Variants in IQSEC3 observed in about 807,000 individuals in gnomAD.
IQSEC3 encodes the protein IQ motif and SEC7 domain-containing protein 3.
A neutral mutation model predicts 105.4 loss-of-function variants in IQSEC3; 50 were observed. The ratio of observed to expected loss-of-function variants is 0.47; its 90% CI spans 0.38 to 0.60. The LOEUF (loss-of-function observed/expected upper bound fraction) is 0.60, where lower values mean the gene tolerates loss of function less well. IQSEC3 is among the 20% of genes least tolerant of loss of function. The pLI is 0.00. For missense variants in IQSEC3, 1,415 were observed against 1,630.0 expected (o/e 0.87, Z 2.27); for synonymous variants, 708 against 746.0 (o/e 0.95, Z 0.83).
At chr12:120,629 G>A (rs535703903) in intron 2 of IQSEC3, among the ~76,000 whole-genome samples, 2 of 152,220 alleles carry the variant, frequency 1.3e-5, no homozygotes, top group Non-Finnish European at 2.9e-5. Flanking sequence ...AGTGACCCTC[G>A]GATGTGATGT....
intron 1 of IQSEC3, among the ~76,000 whole-genome samples, chr12:84,941 A>G (rs1555071665): frequency 6.6e-6 from 1 of 152,136 alleles, no homozygotes; most frequent in Non-Finnish European, 1.5e-5. Context: ...GTACAGTGAG[A>G]ATGGATGCCA....
At chr12:83,487 G>A (rs536594968) in intron 1 of IQSEC3, among the ~76,000 whole-genome samples, 1 of 152,086 alleles carries the variant, frequency 6.6e-6, no homozygotes, top group East Asian at 1.9e-4. Flanking sequence ...TCTGAGCAGA[G>A]AGATGAAATA....
rs1555083444 is a variant in IQSEC3, at chr12:126,165, TC to T, written c.903+254del. On this transcript the variant is annotated intron_variant, in intron 3 of 13. Transcript: ENST00000538872. ...GCAGCACGTCCAGGGGCTCTGCTCCTCACACAGTGCTCAGCAAGCCTCCACC... is the reference window on the plus strand; with the variant it reads ...GCAGCACGTCCAGGGGCTCTGCTCCTACACAGTGCTCAGCAAGCCTCCACC... 3.9e-5 allele frequency among the ~76,000 whole-genome samples: 6 copies of T among 152,320 alleles called. No homozygotes were observed. The South Asian group carries it at 1.0e-3, about 26-fold the overall frequency.
chr12:139,316 C>G lies in IQSEC3; in HGVS notation c.1953C>G (p.Arg651=), dbSNP rs2137001089. The change falls in exon 4 of 14, where the codon CGC becomes CGG. Residue 651 remains arginine (R), a synonymous_variant. Coordinates refer to ENST00000538872, the MANE Select transcript of IQSEC3 (RefSeq NM_001170738.2). ...KSPTLSTDTL[R]KRLYRIGLNL... is the part of the protein sequence containing the mutation. ...CCACGCTCTCCACCGACACCCTGCGCAAGCGGCTCTACCGCATCGGCCTCA... is the reference window on the plus strand; with the variant it reads ...CCACGCTCTCCACCGACACCCTGCGGAAGCGGCTCTACCGCATCGGCCTCA... 1 of 1,595,552 alleles carries G rather than the reference C, an allele frequency of 6.3e-7. No homozygotes were observed. Among genetic ancestry groups the G allele is most frequent in the East Asian group, 2.3e-5 (1 of 43,146 alleles).
chr12:159,961 G>A (rs1295131701), intron 7 of IQSEC3, among the ~76,000 whole-genome samples: 15 of 152,062 alleles, frequency 9.9e-5, no homozygotes, highest in Non-Finnish European at 1.5e-4. Flanking sequence ...CCTCAGTGCC[G>A]TCTTTTGTGT....
intron 2 of IQSEC3, among the ~76,000 whole-genome samples, chr12:114,698 C>T (rs1190681697): frequency 1.3e-5 from 2 of 152,196 alleles, no homozygotes; most frequent in East Asian, 1.9e-4. Flanking sequence ...GGATTAAGAT[C>T]GGAAGCATTT....
intron 3 of IQSEC3, among the ~76,000 whole-genome samples, chr12:126,485 T>C (rs1555083534): frequency 6.6e-6 from 1 of 151,316 alleles, no homozygotes; most frequent in Non-Finnish European, 1.5e-5. Flanking sequence ...GGGCCCCCAT[T>C]GAACCCCCAA....
At chr12:148,329 A>G (rs1301570154) in intron 5 of IQSEC3, 1 of 152,204 alleles carries the variant, frequency 6.6e-6, no homozygotes, top group African/African-American at 2.4e-5. Flanking sequence ...CAATCCGTGC[A>G]CTAATAAACC....
At position 152,491 on chromosome 12, in the gene IQSEC3, G is replaced by T. The variant is rs138526483; in HGVS notation, c.2154-4534G>T. Among the ~76,000 whole-genome samples the T allele has an allele frequency of 3.7e-3, 570 of 152,350 alleles. 4 individuals are homozygous for T. Among genetic ancestry groups the T allele is most frequent in the African/African-American group, 0.013 (544 of 41,576 alleles). On this transcript the variant is annotated intron_variant, in intron 5 of 13. Transcript: ENST00000538872. This position sits in a 1 kb window ranked among gnomAD's most constrained non-coding sequence, Gnocchi z 4.8. ...ACCTGCCCCAGGAGATGTCAGCAAG[G>T]AATGAGATGTGTGCAGCACGCCTGT...
At chr12:165,318 G>A (rs1867113506) in intron 9 of IQSEC3, 116 bp from the exon 10 acceptor site, 3 of 763,296 alleles carry the variant, frequency 3.9e-6, no homozygotes, top group Non-Finnish European at 7.0e-6. Context: ...GTACCTGTAT[G>A]TGCACATTCA....
chr12:174,490 T>G, intron 13 of IQSEC3, 109 bp from the exon 14 acceptor site: 1 of 1,005,632 alleles, frequency 9.9e-7, no homozygotes, highest in Non-Finnish European at 1.4e-6. Context: ...AGGGTCAGAG[T>G]GAGGGCTGAG....
rs1039990199 is a variant in IQSEC3 at position 177,454 on chromosome 12, C to T, written c.*2421C>T. On this transcript the variant is annotated 3_prime_UTR_variant, in exon 14 of 14. Coordinates refer to ENST00000538872, the MANE Select transcript of IQSEC3 (RefSeq NM_001170738.2). This position sits in a 1 kb window ranked among gnomAD's most constrained non-coding sequence, Gnocchi z 5.3. ...GCATCTGGGCCTCTAGCTGAGAACCCGGACTCTCAGGCACCTCAGTGCCCC... is the reference window on the plus strand; with the variant it reads ...GCATCTGGGCCTCTAGCTGAGAACCTGGACTCTCAGGCACCTCAGTGCCCC... The T allele has an allele frequency of 2.0e-5, 3 of 152,276 alleles. No homozygotes were observed. Among genetic ancestry groups the T allele is most frequent in the East Asian group, 1.9e-4 (1 of 5,186 alleles). The allele number at this position is 152,276 out of a possible 1,614,324, so 9.4% of individuals were successfully genotyped here.
At chr12:155,899 C>T (rs938373101) in intron 5 of IQSEC3, among the ~76,000 whole-genome samples, 1 of 152,082 alleles carries the variant, frequency 6.6e-6, no homozygotes, top group African/African-American at 2.4e-5. Context: ...ACGTCAGCTC[C>T]AAGAGCCCAA....
At chr12:133,648 G>A (rs1865666312) in intron 3 of IQSEC3, among the ~76,000 whole-genome samples, 2 of 152,192 alleles carry the variant, frequency 1.3e-5, no homozygotes, top group South Asian at 2.1e-4. Context: ...TGTTCTGGAG[G>A]TTCAGTGTAA....
chr12:109,376 C>T lies in IQSEC3; in HGVS notation c.623+10162C>T, dbSNP rs529470472. Among the ~76,000 whole-genome samples, 10 of 152,234 alleles carry T rather than the reference C, an allele frequency of 6.6e-5. No homozygotes were observed. In the East Asian group the frequency reaches 7.7e-4, roughly 12 times the overall value. ...GTCCTTTGAGTTTATAACCCTAGTT[C>T]GGATCTTCCTTATGTAGCCCCCCGG... On this transcript the variant is annotated intron_variant, in intron 2 of 13. Coordinates refer to ENST00000538872, the MANE Select transcript of IQSEC3 (RefSeq NM_001170738.2).
intron 2 of IQSEC3, among the ~76,000 whole-genome samples, chr12:118,628 A>G (rs571941953): frequency 1.3e-5 from 2 of 150,926 alleles, no homozygotes; most frequent in East Asian, 1.9e-4. Context: ...TGTGCTAGCC[A>G]TTGCCGAGAT....
intron 3 of IQSEC3, among the ~76,000 whole-genome samples, chr12:128,280 G>T (rs1456179397): frequency 6.6e-6 from 1 of 152,146 alleles, no homozygotes; most frequent in Non-Finnish European, 1.5e-5. Flanking sequence ...TTGAAGGCAG[G>T]TGCATGACTT....
At chr12:158,591 C>T (rs1458866951) in intron 7 of IQSEC3, among the ~76,000 whole-genome samples, 5 of 152,326 alleles carry the variant, frequency 3.3e-5, no homozygotes, top group Admixed American at 6.5e-5. Context: ...CACCATTTGA[C>T]GAGTCCTGCC....
chr12:78,204 T>C (rs1555069813), intron 1 of IQSEC3, among the ~76,000 whole-genome samples: 1 of 151,012 alleles, frequency 6.6e-6, no homozygotes, highest in Non-Finnish European at 1.5e-5. Context: ...TCCTCCCGCG[T>C]TCCCGGCCCG....
Sources: gnomAD v4.1 joint callset for allele counts (sites outside exome capture counted in the v4.1 genomes callset) on GRCh38, gnomAD v4.1.1 for gene constraint, Gnocchi (gnomAD v3.1) non-coding constraint, MANE v1.5 for transcripts, NCBI Gene and HGNC (gene_info 2026-07-23, HGNC 2026-07-21) for gene names.